Variants in JAK2 observed in about 807,000 individuals in gnomAD.
JAK2 encodes Janus kinase 2, also known as tyrosine-protein kinase JAK2.
JAK2 carries 86 observed loss-of-function variants against 139.3 expected under a neutral mutation model. The ratio of observed to expected loss-of-function variants is 0.62; its 90% CI spans 0.52 to 0.74. The LOEUF (loss-of-function observed/expected upper bound fraction) is 0.74, where lower values mean the gene tolerates loss of function less well. Ranked by LOEUF, JAK2 falls within the 30% of genes least tolerant of loss-of-function variation. The pLI is 0.00. For synonymous variants in JAK2, 490 were observed against 437.7 expected (o/e 1.12, Z -1.49); for missense variants, 1,421 against 1,360.3 (o/e 1.04, Z -0.70).
At chr9:5,009,611 C>A (rs1317006034) in intron 2 of JAK2, among the ~76,000 whole-genome samples, 1 of 151,976 alleles carries the variant, frequency 6.6e-6, no homozygotes, top group Non-Finnish European at 1.5e-5. Flanking sequence ...TTTTCTGGTC[C>A]ATTTTGGTCT....
Position 5,057,588 on chromosome 9 carries a change from T to C in JAK2, c.1056+1800T>C, listed in dbSNP as rs565586446. ...AACCAGCATTCTACTTTCTTTTTTT[T>C]TTTTTTTTTTTTTGAGATGAGTCTT... On this transcript the variant is annotated intron_variant, in intron 8 of 24. Transcript: ENST00000381652. Among the ~76,000 whole-genome samples, 8 of 148,292 alleles carry C rather than the reference T, an allele frequency of 5.4e-5. No individual in the cohort carries two copies. In the East Asian group the frequency reaches 1.4e-3, roughly 25 times the overall value.
At chr9:5,099,890 C>T (rs907864288) in intron 22 of JAK2, 1 of 152,220 alleles carries the variant, frequency 6.6e-6, no homozygotes, top group African/African-American at 2.4e-5. Context: ...TGAGCAGGCG[C>T]AGTAATTACA....
chr9:5,102,930 C>G (rs554350466), intron 22 of JAK2, among the ~76,000 whole-genome samples: 1 of 151,998 alleles, frequency 6.6e-6, no homozygotes, highest in Non-Finnish European at 1.5e-5. Flanking sequence ...GTAGCAGCCA[C>G]TGCAAAAACA....
At chr9:5,111,302 C>A in intron 22 of JAK2, 1 of 468,904 alleles carries the variant, frequency 2.1e-6, no homozygotes, top group Admixed American at 2.6e-5. Context: ...GCAAGCTGGC[C>A]CTCAGCAGCC....
intron 5 of JAK2, 89 bp downstream of exon 5, chr9:5,044,609 A>T (rs561656813): frequency 3.8e-6 from 3 of 793,496 alleles, no homozygotes; most frequent in Non-Finnish European, 6.0e-6. Context: ...AACTTTACAT[A>T]TGGGAAAATT....
chr9:5,082,845 A>G (rs1056771626), intron 19 of JAK2, among the ~76,000 whole-genome samples: 2 of 152,222 alleles, frequency 1.3e-5, no homozygotes, highest in African/African-American at 4.8e-5. Context: ...CATACAACAC[A>G]TATTTTTGTG....
chr9:4,992,127 C>A (rs1820291863), intron 2 of JAK2, among the ~76,000 whole-genome samples: 1 of 152,132 alleles, frequency 6.6e-6, no homozygotes, highest in South Asian at 2.1e-4. Flanking sequence ...GACTTGAAGG[C>A]AAAGGACTGG....
chr9:5,043,746 A>G (rs879635288), intron 4 of JAK2, among the ~76,000 whole-genome samples: 1 of 152,268 alleles, frequency 6.6e-6, no homozygotes, highest in Non-Finnish European at 1.5e-5. Flanking sequence ...TATTCATACA[A>G]TGAAATATTA....
intron 22 of JAK2, among the ~76,000 whole-genome samples, chr9:5,113,277 A>G (rs1586822569): frequency 1.3e-5 from 2 of 149,506 alleles, no homozygotes; most frequent in East Asian, 3.9e-4. Flanking sequence ...GAAAAGAAAA[A>G]AATGCCTTAA....
rs1198985604 is a variant in JAK2, at chr9:5,043,024, G to C, written c.351-1379G>C. ...GCTGGCGTCGCGCGGCTCGGCCCCT[G>C]GGCCCTGCTGTGTGGAGGCGCGCGG... On this transcript the variant is annotated intron_variant, in intron 4 of 24. Coordinates refer to ENST00000381652, the MANE Select transcript of JAK2 (RefSeq NM_004972.4). Among the ~76,000 whole-genome samples the C allele has an allele frequency of 2.6e-5, 4 of 151,958 alleles. No individual in the cohort carries two copies. In the East Asian group the frequency reaches 7.9e-4, roughly 30 times the overall value.
intron 22 of JAK2, chr9:5,094,665 G>C (rs1820844526): frequency 6.6e-6 from 1 of 152,064 alleles, no homozygotes; most frequent in Non-Finnish European, 1.5e-5. Context: ...AGCCCCTTTT[G>C]ACTTAACAGA....
At chr9:5,047,048 T>C (rs1817058087) in intron 5 of JAK2, among the ~76,000 whole-genome samples, 2 of 152,216 alleles carry the variant, frequency 1.3e-5, no homozygotes, top group Admixed American at 1.3e-4. Flanking sequence ...TTATCTAGCA[T>C]GGCAAGGTAA....
At chr9:4,992,966 C>G (rs1010114675) in intron 2 of JAK2, among the ~76,000 whole-genome samples, 27 of 152,200 alleles carry the variant, frequency 1.8e-4, no homozygotes, top group African/African-American at 6.5e-4. Flanking sequence ...TCCCCCACCC[C>G]TGCACCCAAC....
At chr9:4,999,861 A>T (rs1162237514) in intron 2 of JAK2, among the ~76,000 whole-genome samples, 1 of 152,232 alleles carries the variant, frequency 6.6e-6, no homozygotes, top group Non-Finnish European at 1.5e-5. Context: ...TCATAGAATT[A>T]TTAGATATGC....
In JAK2 at chr9:5,033,787, C is replaced by T. The variant is rs141604979; in HGVS notation, c.350+3881C>T. 4.8e-3 allele frequency among the ~76,000 whole-genome samples: 724 copies of T among 152,186 alleles called. 8 individuals are homozygous for T. The highest frequency in any genetic ancestry group is 0.016 in the African/African-American group (672 of 41,514). ...ACTGGTACCAGCCACTGCAAAAACACGCCAAATTGTAAAGACCATCGAGGC... is the reference window on the plus strand; with the variant it reads ...ACTGGTACCAGCCACTGCAAAAACATGCCAAATTGTAAAGACCATCGAGGC... On this transcript the variant is annotated intron_variant, in intron 4 of 24. Coordinates refer to ENST00000381652, the MANE Select transcript of JAK2 (RefSeq NM_004972.4).
At position 5,126,944 on chromosome 9, in the gene JAK2, GT is replaced by G. The variant is rs1824039602; in HGVS notation, c.*156del. 7.3e-6 allele frequency: 3 copies of G among 412,398 alleles called. No individual in the cohort carries two copies. The highest frequency in any genetic ancestry group is 6.2e-5 in the African/African-American group (3 of 48,458). 25.5% of individuals were successfully genotyped at this position (412,398 alleles called of 1,614,324 possible). On this transcript the variant is annotated 3_prime_UTR_variant, in exon 25 of 25. Transcript: ENST00000381652. Reference sequence around the variant, plus strand: ...AAAATATCTGCTCAAAACTTTCAAAGTTTAGTAAGTTTTTCTTCATGAGGCC... The same window carrying G: ...AAAATATCTGCTCAAAACTTTCAAAGTTAGTAAGTTTTTCTTCATGAGGCC...
intron 2 of JAK2, among the ~76,000 whole-genome samples, chr9:5,003,492 T>G (rs1821060722): frequency 6.6e-6 from 1 of 152,078 alleles, no homozygotes; most frequent in Admixed American, 6.5e-5. Flanking sequence ...TAAATGATAC[T>G]ATTTTTAAAT....
intron 5 of JAK2, among the ~76,000 whole-genome samples, chr9:5,050,452 G>A (rs1294972665): frequency 2.0e-5 from 3 of 152,046 alleles, no homozygotes; most frequent in Non-Finnish European, 2.9e-5. Context: ...TAAATTTTTT[G>A]TGGAGATGAG....
chr9:5,037,012 A>G (rs563211503), intron 4 of JAK2, among the ~76,000 whole-genome samples: 32 of 152,330 alleles, frequency 2.1e-4, no homozygotes, highest in African/African-American at 7.2e-4. Flanking sequence ...TAACAAATTT[A>G]CAAGAAAACA....
Sources: gnomAD v4.1 joint callset for allele counts (sites outside exome capture counted in the v4.1 genomes callset) on GRCh38, gnomAD v4.1.1 for gene constraint, MANE v1.5 for transcripts, NCBI Gene and HGNC (gene_info 2026-07-23, HGNC 2026-07-21) for gene names.